Variants in HMGB1 observed in about 807,000 individuals in gnomAD.
HMGB1 encodes high mobility group box 1, also known as high mobility group protein B1.
For synonymous variants in HMGB1, 81 were observed against 84.0 expected (o/e 0.96, Z 0.19); for missense variants, 79 against 253.5 (o/e 0.31, Z 4.67).
intron 1 of HMGB1, among the ~76,000 whole-genome samples, chr13:30,615,226 A>G (rs1375193451): frequency 6.6e-6 from 1 of 152,210 alleles, no homozygotes; most frequent in African/African-American, 2.4e-5. Flanking sequence ...ATCTGAATTT[A>G]CTGAAATAAC....
chr13:30,593,285 A>C (rs1871449093), intron 1 of HMGB1, among the ~76,000 whole-genome samples: 1 of 152,166 alleles, frequency 6.6e-6, no homozygotes, highest in Admixed American at 6.5e-5. Context: ...ATTATCTTTT[A>C]ATAAACAATA....
chr13:30,584,895 C>G (rs149300758), intron 1 of HMGB1, among the ~76,000 whole-genome samples: 37 of 152,200 alleles, frequency 2.4e-4, no homozygotes, highest in African/African-American at 8.4e-4. Context: ...CGCCTGTAAT[C>G]CTAGCATAGT....
intron 1 of HMGB1, among the ~76,000 whole-genome samples, chr13:30,569,203 T>C (rs774220571): frequency 9.9e-5 from 15 of 152,098 alleles, no homozygotes; most frequent in Admixed American, 5.9e-4. Flanking sequence ...CAAAAAGAAG[T>C]TGTTAAAGGT....
intron 1 of HMGB1, among the ~76,000 whole-genome samples, chr13:30,533,795 T>A (rs1888549896): frequency 6.6e-6 from 1 of 151,948 alleles, no homozygotes; most frequent in Non-Finnish European, 1.5e-5. Flanking sequence ...GTATTGTAAA[T>A]TTTTCCCTTA....
At chr13:30,513,855 G>T (rs536387367) in intron 1 of HMGB1, among the ~76,000 whole-genome samples, 2 of 152,284 alleles carry the variant, frequency 1.3e-5, no homozygotes, top group Admixed American at 1.3e-4. Context: ...AGTTTTGGAG[G>T]TGACAAACAT....
intron 1 of HMGB1, among the ~76,000 whole-genome samples, chr13:30,555,472 A>G (rs1869648315): frequency 6.6e-6 from 1 of 152,174 alleles, no homozygotes; most frequent in Non-Finnish European, 1.5e-5. Flanking sequence ...TATTTTTGTT[A>G]AAGAGTCAAA....
At chr13:30,592,392 A>T (rs1323917947) in intron 1 of HMGB1, among the ~76,000 whole-genome samples, 3 of 152,184 alleles carry the variant, frequency 2.0e-5, no homozygotes, top group Non-Finnish European at 4.4e-5. Context: ...GAAAATTACC[A>T]GTCTTCCCAG....
intron 1 of HMGB1, among the ~76,000 whole-genome samples, chr13:30,612,515 T>C (rs1334756309): frequency 6.6e-6 from 1 of 152,254 alleles, no homozygotes; most frequent in Non-Finnish European, 1.5e-5. Flanking sequence ...ATGTAGTTAC[T>C]AAAGCATATC....
intron 1 of HMGB1, among the ~76,000 whole-genome samples, chr13:30,588,049 C>A (rs992717302): frequency 6.6e-6 from 1 of 152,202 alleles, no homozygotes; most frequent in African/African-American, 2.4e-5. Flanking sequence ...TGCTGTCATG[C>A]ATGTCTGCCA....
At chr13:30,531,509 CGTGTGTGTGTGTGTGTGTGTGT>C (rs376387192) in intron 1 of HMGB1, among the ~76,000 whole-genome samples, 2 of 135,590 alleles carry the variant, frequency 1.5e-5, no homozygotes, top group South Asian at 2.5e-4. Flanking sequence ...GTAACATATA[CGTGTGTGTGTGTGTGTGTGTGT>C]GTGTGTGTGT....
At chr13:30,464,282 C>T (rs1886565161) in intron 1 of HMGB1, 2 of 985,596 alleles carry the variant, frequency 2.0e-6, no homozygotes, top group Non-Finnish European at 2.4e-6. Context: ...GCGAGGCAGC[C>T]TCGTTTCCTA....
chr13:30,564,725 T>A (rs1220122563), intron 1 of HMGB1, among the ~76,000 whole-genome samples: 1 of 152,232 alleles, frequency 6.6e-6, no homozygotes, highest in Non-Finnish European at 1.5e-5. Flanking sequence ...TCTCCAACAT[T>A]CATGATTGCA....
rs75447087 is a variant in HMGB1 at position 30,551,188 on chromosome 13, T to C, written c.-15+65483A>G. The stretch of plus-strand genomic sequence containing the variant: ...ATGCAAGCAGTACTAGTTATGGTGA[T>C]AAAAGATAAATAAACCCCTGATGTA... On this transcript the variant is annotated intron_variant, in intron 1 of 4. Transcript: ENST00000405805. Among the ~76,000 whole-genome samples, 41 of 152,364 alleles carry C rather than the reference T, an allele frequency of 2.7e-4. No individual in the cohort carries two copies. The East Asian group carries it at 4.8e-3, about 18-fold the overall frequency.
At chr13:30,565,728 T>C (rs1870157916) in intron 1 of HMGB1, among the ~76,000 whole-genome samples, 1 of 152,206 alleles carries the variant, frequency 6.6e-6, no homozygotes, top group Admixed American at 6.5e-5. Flanking sequence ...AGATGTCTGA[T>C]ATTTACTCTC....
intron 1 of HMGB1, chr13:30,553,800 A>T (rs1869546069): frequency 1.4e-6 from 2 of 1,394,568 alleles, no homozygotes; most frequent in Non-Finnish European, 2.0e-6. Context: ...AGAAAACAGA[A>T]ATCGAAATAG....
rs58379734 is a variant in HMGB1 at position 30,456,772 on chromosome 13, G to GGGGGGGGGGGGCAATT, written c.*4584_*4585insAATTGCCCCCCCCCCC. ...CAGCTTTTGTGGGCGGGGGGGGGGG[G>GGGGGGGGGGGGCAATT]TGGTGGGGTGCAATTTATCAACATC... On this transcript the variant is annotated 3_prime_UTR_variant, in exon 5 of 5. Coordinates refer to ENST00000341423, the MANE Select transcript of HMGB1 (RefSeq NM_002128.7). The GGGGGGGGGGGGCAATT allele has an allele frequency of 1.2e-5, 1 of 80,540 alleles. No individual in the cohort carries two copies. Among genetic ancestry groups the GGGGGGGGGGGGCAATT allele is most frequent in the Non-Finnish European group, 2.5e-5 (1 of 40,312 alleles). 5.0% of individuals were successfully genotyped at this position (80,540 alleles called of 1,614,324 possible). A position where few individuals can be genotyped will look rare whatever the true frequency, so the allele number is the denominator to read the frequency against.
At chr13:30,461,712 A>G (rs1886349646) in intron 4 of HMGB1, 179 bp from the exon 5 acceptor site, 1 of 1,512,804 alleles carries the variant, frequency 6.6e-7, no homozygotes, top group Non-Finnish European at 9.1e-7. Context: ...ACATAAAAAT[A>G]CAAGATCATT....
intron 1 of HMGB1, among the ~76,000 whole-genome samples, chr13:30,561,954 A>AT (rs1486767433): frequency 5.3e-5 from 8 of 152,320 alleles, no homozygotes; most frequent in African/African-American, 1.7e-4. Flanking sequence ...ATGTGGAGAT[A>AT]TAATCAGGTA....
At chr13:30,472,939 A>G (rs1281011093) in intron 1 of HMGB1, among the ~76,000 whole-genome samples, 1 of 151,846 alleles carries the variant, frequency 6.6e-6, no homozygotes, top group Non-Finnish European at 1.5e-5. Context: ...ACTCCAGACT[A>G]GAAGCAAGGA....
Sources: allele counts gnomAD v4.1 joint callset (sites outside exome capture counted in the v4.1 genomes callset), GRCh38; gene constraint gnomAD v4.1.1; transcripts MANE v1.5; gene names NCBI Gene and HGNC (gene_info 2026-07-23, HGNC 2026-07-21).